Variants in PRKCE observed in about 807,000 individuals in gnomAD.
PRKCE encodes protein kinase C epsilon type.
In PRKCE, 16 loss-of-function variants were observed where a neutral mutation model predicts 85.4. The observed-to-expected ratio is 0.19, with a 90% CI of 0.13 to 0.28. The LOEUF (loss-of-function observed/expected upper bound fraction) is 0.28. Ranked by LOEUF, PRKCE falls within the 10% of genes least tolerant of loss-of-function variation. The probability of loss-of-function intolerance (pLI) is 1.00; values close to 1 mark genes in which losing one functional copy is unlikely to be tolerated. For synonymous variants in PRKCE, 388 were observed against 371.5 expected (o/e 1.04, Z -0.51); for missense variants, 573 against 975.2 (o/e 0.59, Z 5.49).
intron 11 of PRKCE, among the ~76,000 whole-genome samples, chr2:46,125,514 A>C (rs1673763991): frequency 6.6e-6 from 1 of 152,220 alleles, no homozygotes; most frequent in Admixed American, 6.5e-5. Context: ...GGCCTTAAGA[A>C]GAGGCTGGGG....
At chr2:45,947,856 A>G (rs1259873924) in intron 2 of PRKCE, among the ~76,000 whole-genome samples, 2 of 152,218 alleles carry the variant, frequency 1.3e-5, no homozygotes, top group African/African-American at 4.8e-5. Flanking sequence ...TTCTTGCTCT[A>G]AAGTGTATAT....
chr2:46,071,282 A>G (rs1668062623), intron 10 of PRKCE, among the ~76,000 whole-genome samples: 1 of 152,248 alleles, frequency 6.6e-6, no homozygotes, highest in African/African-American at 2.4e-5. Context: ...TGTACTAGTC[A>G]GCTGATTTGA....
At chr2:46,073,218 A>G (rs1668227996) in intron 10 of PRKCE, among the ~76,000 whole-genome samples, 1 of 152,190 alleles carries the variant, frequency 6.6e-6, no homozygotes, top group African/African-American at 2.4e-5. Context: ...TCATTGTAGA[A>G]CAAGGCAGCA....
intron 1 of PRKCE, among the ~76,000 whole-genome samples, chr2:45,714,487 A>G (rs1679926679): frequency 6.6e-6 from 1 of 152,288 alleles, no homozygotes; most frequent in Non-Finnish European, 1.5e-5. Flanking sequence ...AAAAAGCAGG[A>G]CAGACACATC....
intron 10 of PRKCE, among the ~76,000 whole-genome samples, chr2:46,060,923 G>A (rs1051423249): frequency 1.3e-5 from 2 of 151,118 alleles, no homozygotes; most frequent in Non-Finnish European, 3.0e-5. Context: ...CACCACACCT[G>A]GCTCATTTTT....
chr2:46,112,558 C>G (rs1356465580), intron 11 of PRKCE, among the ~76,000 whole-genome samples: 6 of 151,830 alleles, frequency 4.0e-5, no homozygotes, highest in African/African-American at 1.5e-4. Context: ...CCTTGTCACC[C>G]AGGCTGGAGT....
At chr2:46,014,086 G>A (rs776151053) in intron 10 of PRKCE, among the ~76,000 whole-genome samples, 6 of 152,164 alleles carry the variant, frequency 3.9e-5, no homozygotes, top group African/African-American at 1.4e-4. Flanking sequence ...TGCTCCATCC[G>A]CTCCATGGGA....
chr2:45,681,884 T>A (rs1183876158), intron 1 of PRKCE, among the ~76,000 whole-genome samples: 1 of 152,228 alleles, frequency 6.6e-6, no homozygotes, highest in Non-Finnish European at 1.5e-5. Flanking sequence ...CATTTGGCAC[T>A]TATTACATCC....
At chr2:45,825,363 C>T (rs943697246) in intron 1 of PRKCE, among the ~76,000 whole-genome samples, 11 of 152,202 alleles carry the variant, frequency 7.2e-5, no homozygotes, top group Admixed American at 3.9e-4. Context: ...GACAGAATTT[C>T]GGAGCTAAGG....
At chr2:46,025,784 G>C (rs1707061414) in intron 10 of PRKCE, among the ~76,000 whole-genome samples, 1 of 152,218 alleles carries the variant, frequency 6.6e-6, no homozygotes. Context: ...GTGAAAAGGA[G>C]CAAGCCCTGT....
intron 1 of PRKCE, among the ~76,000 whole-genome samples, chr2:45,688,444 C>CT (rs1572947325): frequency 6.6e-6 from 1 of 152,174 alleles, no homozygotes; most frequent in East Asian, 1.9e-4. Flanking sequence ...GGTTTTTCTT[C>CT]TTTTTTTCCC....
At chr2:45,876,906 T>C (rs1009011083) in intron 2 of PRKCE, among the ~76,000 whole-genome samples, 2 of 152,238 alleles carry the variant, frequency 1.3e-5, no homozygotes, top group Non-Finnish European at 2.9e-5. Flanking sequence ...TTGACTTCTT[T>C]TGAATTGAAT....
At chr2:45,799,214 C>T (rs1044542082) in intron 1 of PRKCE, among the ~76,000 whole-genome samples, 2 of 151,250 alleles carry the variant, frequency 1.3e-5, no homozygotes, top group African/African-American at 2.4e-5. Context: ...TATTGATGTT[C>T]TATTATTTAT....
chr2:46,149,606 A>G (rs1484878850), intron 12 of PRKCE, among the ~76,000 whole-genome samples: 1 of 151,536 alleles, frequency 6.6e-6, no homozygotes, highest in Non-Finnish European at 1.5e-5. Flanking sequence ...TATATATGTT[A>G]TATTTTAAAG....
At chr2:45,744,473 CTTT>C (rs1558623649) in intron 1 of PRKCE, among the ~76,000 whole-genome samples, 393 of 39,056 alleles carry the variant, frequency 0.01, 7 homozygotes, top group African/African-American at 0.024. Flanking sequence ...TTCTTTCTTT[CTTT>C]CTTTCTTTCT....
intron 11 of PRKCE, among the ~76,000 whole-genome samples, chr2:46,104,740 C>A (rs535046255): frequency 3.9e-5 from 6 of 152,158 alleles, no homozygotes; most frequent in Non-Finnish European, 8.8e-5. Flanking sequence ...TAGCAAGGTA[C>A]TTCCTGACTT....
intron 10 of PRKCE, among the ~76,000 whole-genome samples, chr2:46,034,896 G>T (rs1320964358): frequency 2.0e-5 from 3 of 152,274 alleles, no homozygotes; most frequent in Non-Finnish European, 4.4e-5. Context: ...ACCATTCTGA[G>T]ACTGCTAGCT....
intron 1 of PRKCE, among the ~76,000 whole-genome samples, chr2:45,725,758 G>A (rs890114198): frequency 1.3e-5 from 2 of 151,968 alleles, no homozygotes; most frequent in African/African-American, 4.8e-5. Flanking sequence ...TTGAACCCGG[G>A]AGGCGGAGGT....
rs1383386348 is a variant in PRKCE, at chr2:45,786,008, C to G, written c.349-56992C>G. On this transcript the variant is annotated intron_variant, in intron 1 of 14. Coordinates refer to ENST00000306156, the MANE Select transcript of PRKCE (RefSeq NM_005400.3). The surrounding 1 kb of genome is among the most constrained non-coding windows in gnomAD (Gnocchi z 5.3). ...TAGGGTTCTGCTGCAGTCATGCTGC[C>G]TCAGCGCTGCTGAGGGGTCTAGAGT... Among the ~76,000 whole-genome samples the G allele has an allele frequency of 6.6e-6, 1 of 152,164 alleles. No individual in the cohort carries two copies. Among genetic ancestry groups the G allele is most frequent in the Admixed American group, 6.5e-5 (1 of 15,286 alleles).
Sources: allele counts gnomAD v4.1 joint callset (sites outside exome capture counted in the v4.1 genomes callset), GRCh38; gene constraint gnomAD v4.1.1; non-coding constraint Gnocchi (gnomAD v3.1); transcripts MANE v1.5; gene names NCBI Gene and HGNC (gene_info 2026-07-23, HGNC 2026-07-21).